METTL14: variants seen among roughly 807,000 people sequenced by gnomAD.
METTL14 encodes the protein N(6)-adenosine-methyltransferase non-catalytic subunit METTL14.
METTL14 carries 32 observed loss-of-function variants against 62.4 expected under a neutral mutation model. The ratio of observed to expected loss-of-function variants is 0.51; its 90% CI spans 0.39 to 0.69. The LOEUF is 0.69. Ranked by LOEUF, METTL14 falls within the 30% of genes least tolerant of loss-of-function variation. The pLI is 0.00. For missense variants in METTL14, 340 were observed against 551.9 expected (o/e 0.62, Z 3.85); for synonymous variants, 150 against 180.0 (o/e 0.83, Z 1.34).
chr4:118,699,890 A>G (rs1016700678), intron 7 of METTL14, among the ~76,000 whole-genome samples: 1 of 152,148 alleles, frequency 6.6e-6, no homozygotes, highest in Non-Finnish European at 1.5e-5. Flanking sequence ...TAATAAACAA[A>G]ATGTAAATAA....
intron 2 of METTL14, 75 bp from the exon 3 acceptor site, chr4:118,689,295 C>T: frequency 1.4e-6 from 1 of 710,756 alleles, no homozygotes; most frequent in Admixed American, 3.1e-5. Context: ...TTTTTATAAC[C>T]TGTTTATTAT....
chr4:118,710,517 T>A lies in METTL14; in HGVS notation c.*215T>A. The A allele has an allele frequency of 1.9e-6, 1 of 516,610 alleles. No individual in the cohort carries two copies. Among genetic ancestry groups the A allele is most frequent in the Non-Finnish European group, 3.4e-6 (1 of 292,992 alleles). 32.0% of individuals were successfully genotyped at this position (516,610 alleles called of 1,614,324 possible). On this transcript the variant is annotated 3_prime_UTR_variant, in exon 11 of 11. Coordinates refer to ENST00000388822, the MANE Select transcript of METTL14 (RefSeq NM_020961.4). ...ATGAATGATTCTGCCTTTTGTTATG[T>A]GCGTGAACAGAATGGAACAACTCAA...
intron 8 of METTL14, among the ~76,000 whole-genome samples, chr4:118,702,370 A>G (rs963315751): frequency 2.6e-5 from 4 of 152,168 alleles, no homozygotes; most frequent in Admixed American, 6.5e-5. Flanking sequence ...GATTTTGATA[A>G]ATTAGTGGAT....
rs1486740290 is a variant in METTL14 at position 118,685,419 on chromosome 4, A to G, written c.-116A>G. The G allele has an allele frequency of 2.9e-6, 3 of 1,038,866 alleles. No individual in the cohort carries two copies. Among genetic ancestry groups the G allele is most frequent in the Admixed American group, 1.8e-5 (1 of 54,268 alleles). 64.4% of individuals were successfully genotyped at this position (1,038,866 alleles called of 1,614,324 possible). A position where few individuals can be genotyped will look rare whatever the true frequency, so the allele number is the denominator to read the frequency against. ...GTCTCTACTGAGGAAAGCTATGAGG[A>G]TACTCTGTTCGTAAGCTCCCGGTGA... On this transcript the variant is annotated 5_prime_UTR_variant, in exon 1 of 11. Coordinates refer to ENST00000388822, the MANE Select transcript of METTL14 (RefSeq NM_020961.4).
At chr4:118,686,084 A>C (rs1356326770) in intron 1 of METTL14, among the ~76,000 whole-genome samples, 2 of 152,212 alleles carry the variant, frequency 1.3e-5, no homozygotes, top group Non-Finnish European at 2.9e-5. Context: ...TGCATCTTAT[A>C]TAGAGTATCC....
intron 1 of METTL14, 74 bp downstream of exon 1, chr4:118,685,674 C>G: frequency 7.6e-7 from 1 of 1,318,256 alleles, no homozygotes; most frequent in Non-Finnish European, 1.1e-6. Context: ...CTCCACACCC[C>G]GCCTTTTTCT....
At position 118,689,376 on chromosome 4, in the gene METTL14, C is replaced by T. The variant is rs762133029; in HGVS notation, c.162C>T (p.Ser54=). The T allele has an allele frequency of 1.3e-6, 2 of 1,584,268 alleles. No individual in the cohort carries two copies. The highest frequency in any genetic ancestry group is 1.2e-5 in the South Asian group (1 of 86,628). Residue 54 remains serine (S), a synonymous_variant, in exon 3 of 11, where the codon TCC becomes TCT. Transcript: ENST00000388822. ...ATTTCTGTTTATTTTTCAGGGCTTC[C>T]TATGATACCTCTGCTCCAAATGCAA... ...IAETRETCRA[S]YDTSAPNAKR...
intron 3 of METTL14, among the ~76,000 whole-genome samples, chr4:118,690,694 A>C (rs113469825): frequency 0.28 from 42,184 of 150,306 alleles, 6,774 homozygotes; most frequent in Non-Finnish European, 0.37. Context: ...AAAAAAAAAA[A>C]ACACAAAACT....
At chr4:118,700,748 C>G (rs1202103484) in intron 8 of METTL14, 106 bp downstream of exon 8, 1 of 704,106 alleles carries the variant, frequency 1.4e-6, no homozygotes, top group East Asian at 2.9e-5. Context: ...TCCTTTGTTT[C>G]TTAAATAATT....
intron 3 of METTL14, among the ~76,000 whole-genome samples, chr4:118,690,179 T>C (rs774625518): frequency 6.7e-6 from 1 of 150,344 alleles, no homozygotes; most frequent in Non-Finnish European, 1.5e-5. Context: ...TAGCTGGGAC[T>C]ACAAGCACGC....
chr4:118,691,557 A>G lies in METTL14; in HGVS notation c.269A>G (p.Glu90Gly), dbSNP rs1483531305. 2 of 1,555,912 alleles carry G rather than the reference A, an allele frequency of 1.3e-6. No individual in the cohort carries two copies. Among genetic ancestry groups the G allele is most frequent in the Non-Finnish European group, 1.7e-6 (2 of 1,149,506 alleles). ...GATGAACTAGAAATGCAACAGGATGAAGAAAATTTGCCATATGAAGAAGAG... is the reference window on the plus strand; with the variant it reads ...GATGAACTAGAAATGCAACAGGATGGAGAAAATTTGCCATATGAAGAAGAG... ...YKDELEMQQDEENLPYEEEIY... is the reference protein window; with the variant it reads ...YKDELEMQQDGENLPYEEEIY... Residue 90 changes from glutamate to glycine, a missense_variant, in exon 4 of 11, where the codon GAA (glutamate) becomes GGA (glycine). Coordinates refer to ENST00000388822, the MANE Select transcript of METTL14 (RefSeq NM_020961.4).
intron 10 of METTL14, 148 bp from the exon 11 acceptor site, chr4:118,709,850 A>G: frequency 5.4e-6 from 4 of 742,152 alleles, no homozygotes; most frequent in Non-Finnish European, 4.3e-6. Flanking sequence ...ACATGACCAC[A>G]ATTAAGTGCC....
At chr4:118,695,978 C>T (rs938040294) in intron 6 of METTL14, among the ~76,000 whole-genome samples, 5 of 151,240 alleles carry the variant, frequency 3.3e-5, no homozygotes, top group African/African-American at 4.9e-5. Flanking sequence ...GGTGTGGTGG[C>T]GCACACCTGT....
chr4:118,693,935 G>T (rs187917598), intron 5 of METTL14, among the ~76,000 whole-genome samples: 33 of 152,076 alleles, frequency 2.2e-4, no homozygotes, highest in Non-Finnish European at 4.4e-4. Flanking sequence ...AAATTAGGAA[G>T]TTCATATAAT....
intron 1 of METTL14, 78 bp from the exon 2 acceptor site, chr4:118,687,845 G>T: frequency 1.6e-5 from 17 of 1,046,320 alleles, no homozygotes; most frequent in Non-Finnish European, 2.5e-5. Context: ...AGTATTTAAT[G>T]TATTAAATGC....
At chr4:118,685,883 G>T (rs536243070) in intron 1 of METTL14, among the ~76,000 whole-genome samples, 38 of 152,062 alleles carry the variant, frequency 2.5e-4, no homozygotes, top group African/African-American at 8.2e-4. Context: ...GCATGTTCAC[G>T]CCAGGATGAG....
chr4:118,687,373 G>C (rs933129798), intron 1 of METTL14, among the ~76,000 whole-genome samples: 2 of 152,266 alleles, frequency 1.3e-5, no homozygotes, highest in East Asian at 3.9e-4. Flanking sequence ...GATTTGGAAT[G>C]CTCATTTTAT....
chr4:118,692,928 G>A (rs1427774671), intron 5 of METTL14, among the ~76,000 whole-genome samples: 1 of 152,136 alleles, frequency 6.6e-6, no homozygotes, highest in Non-Finnish European at 1.5e-5. Flanking sequence ...ATTATACAAT[G>A]TGTGGTGGTT....
intron 2 of METTL14, 56 bp downstream of exon 2, chr4:118,688,067 C>G: frequency 3.6e-6 from 5 of 1,393,508 alleles, no homozygotes; most frequent in Non-Finnish European, 5.0e-6. Context: ...CACTCTGTTG[C>G]TTAGGCTGGA....
Sources: allele counts gnomAD v4.1 joint callset (sites outside exome capture counted in the v4.1 genomes callset), GRCh38; gene constraint gnomAD v4.1.1; transcripts MANE v1.5; gene names NCBI Gene and HGNC (gene_info 2026-07-23, HGNC 2026-07-21).